The following EIF3F variants were observed in gnomAD, a reference collection of about 807,000 sequenced individuals.
EIF3F encodes the protein eukaryotic translation initiation factor 3 subunit F, also known as deubiquitinating enzyme eIF3f.
A neutral mutation model predicts 36.0 loss-of-function variants in EIF3F; 8 were observed. That is an observed-to-expected ratio of 0.22 (90% CI 0.13 to 0.40). EIF3F has a LOEUF of 0.40. Among genes scored for constraint, EIF3F ranks in the 10% least tolerant of loss-of-function variants. EIF3F has a pLI of 1.00. For synonymous variants in EIF3F, 184 were observed against 188.5 expected (o/e 0.98, Z 0.19); for missense variants, 430 against 467.6 (o/e 0.92, Z 0.74).
In EIF3F at chr11:8,001,278, G is replaced by C. The variant is rs1336338592; in HGVS notation, c.*5256G>C. 6.6e-6 allele frequency: 1 copy of C among 152,214 alleles called. No individual in the cohort carries two copies. The highest frequency in any genetic ancestry group is 1.5e-5 in the Non-Finnish European group (1 of 68,034). 9.4% of individuals were successfully genotyped at this position (152,214 alleles called of 1,614,324 possible). ...AACGTGACACAGGCACAGATTGCTG[G>C]TAGACATATAAGTTGGTACAGCCCT... On this transcript the variant is annotated 3_prime_UTR_variant, in exon 8 of 8. Coordinates refer to ENST00000651655, the MANE Select transcript of EIF3F (RefSeq NM_003754.3).
rs1942195744 is a variant in EIF3F, at chr11:7,999,455, G to A, written c.*3433G>A. On this transcript the variant is annotated 3_prime_UTR_variant, in exon 8 of 8. Transcript: ENST00000651655. ...ATTTTCCCTGTTAAACTACATATTT[G>A]TCATAATTACAATAAAATACAAAGA... is the stretch of plus-strand genomic sequence containing the variant. The A allele has an allele frequency of 6.6e-6, 1 of 152,062 alleles. No individual in the cohort carries two copies. The highest frequency in any genetic ancestry group is 1.5e-5 in the Non-Finnish European group (1 of 68,012). 9.4% of individuals were successfully genotyped at this position (152,062 alleles called of 1,614,324 possible).
rs774264260 is a variant in EIF3F at position 7,995,268 on chromosome 11, A to G, written c.897A>G (p.Ser299=). The G allele has an allele frequency of 6.2e-7, 1 of 1,614,048 alleles. No homozygotes were observed. The highest frequency in any genetic ancestry group is 1.1e-5 in the South Asian group (1 of 91,066). ...TTGGTACTCAGTCTGGAAAGGTGTC[A>G]GCTGACAATACTGTGGGCCGCTTCC... ...YAEDVLSGKV[S]ADNTVGRFLM... Residue 299 remains serine (S), a synonymous_variant, in exon 7 of 8, where the codon TCA becomes TCG. Coordinates refer to ENST00000651655, the MANE Select transcript of EIF3F (RefSeq NM_003754.3).
chr11:7,987,342 T>G lies in EIF3F; in HGVS notation c.-11T>G, dbSNP rs1188582476. 8.8e-6 allele frequency: 14 copies of G among 1,588,944 alleles called. No individual in the cohort carries two copies. Among genetic ancestry groups the G allele is most frequent in the Non-Finnish European group, 6.0e-6 (7 of 1,173,906 alleles). On this transcript the variant is annotated 5_prime_UTR_variant, in exon 1 of 8. Coordinates refer to ENST00000651655, the MANE Select transcript of EIF3F (RefSeq NM_003754.3). ...GTCATTTCCGCTTCCGCCTCCTTCTTTCTCGACAAGATGGCCACACCGGCG... is the reference window on the plus strand; with the variant it reads ...GTCATTTCCGCTTCCGCCTCCTTCTGTCTCGACAAGATGGCCACACCGGCG...
chr11:7,994,422 G>A lies in EIF3F; in HGVS notation c.654-4G>A, dbSNP rs748967109. 105 of 1,613,272 alleles carry A rather than the reference G, an allele frequency of 6.5e-5. No individual in the cohort carries two copies. The highest frequency in any genetic ancestry group is 1.5e-4 in the African/African-American group (11 of 74,858). On this transcript the variant is annotated splice_polypyrimidine_tract_variant and splice_region_variant and intron_variant, in intron 4 of 7. Transcript: ENST00000651655. ...TCTGTTTACTTTGGCTTCTCCTTCC[G>A]CAGCACTTTAATGGGAGTCCCTGGG...
Position 7,995,078 on chromosome 11 carries a change from A to T in EIF3F, c.842A>T (p.Asp281Val). Residue 281 changes from aspartate to valine, a missense_variant, in exon 6 of 8, where the codon GAT (aspartate) becomes GTT (valine). Physicochemically the swap from Asp to Val is radical, Grantham distance 152. Transcript: ENST00000651655. The stretch of plus-strand genomic sequence containing the variant: ...GGAGGGGCATCAGCTCGCATCCAGG[A>T]TGCCCTGAGTACAGTGTTGCAATAT... The part of the protein sequence containing the change: ...QVGGASARIQ[D>V]ALSTVLQYAE... 1 of 1,614,050 alleles carries T rather than the reference A, an allele frequency of 6.2e-7. No homozygotes were observed. Among genetic ancestry groups the T allele is most frequent in the Non-Finnish European group, 8.5e-7 (1 of 1,179,934 alleles).
chr11:7,994,598 G>A, intron 5 of EIF3F, 81 bp downstream of exon 5: 1 of 1,351,192 alleles, frequency 7.4e-7, no homozygotes, highest in Non-Finnish European at 1.0e-6. Flanking sequence ...CATGGACGGA[G>A]GCCTTGGGTG....
rs116233725 is a variant in EIF3F, at chr11:7,989,337, C to T, written c.364+1621C>T. Among the ~76,000 whole-genome samples the T allele has an allele frequency of 2.0e-3, 311 of 152,282 alleles. 1 individual carries two copies. The highest frequency in any genetic ancestry group is 7.3e-3 in the African/African-American group (304 of 41,552). ...TTACCCATGATTTATGCTTTAGCGC[C>T]CCAAATATTCCAGTGATCCAGTCAG... On this transcript the variant is annotated intron_variant, in intron 1 of 7. Coordinates refer to ENST00000651655, the MANE Select transcript of EIF3F (RefSeq NM_003754.3).
rs2133664441 is a variant in EIF3F at position 7,987,403 on chromosome 11, A to C, written c.51A>C (p.Pro17=). 6.2e-7 allele frequency: 1 copy of C among 1,600,624 alleles called. No individual in the cohort carries two copies. The highest frequency in any genetic ancestry group is 1.7e-5 in the Admixed American group (1 of 59,974). The change falls in exon 1 of 8, where the codon CCA becomes CCC. Residue 17 remains proline, a synonymous_variant. Transcript: ENST00000651655. ...PVSAPPATPT[P]VPAAAPASVP... is the part of the protein sequence containing the mutation. ...GTGCTCCTCCGGCCACGCCAACCCC[A>C]GTCCCGGCGGCGGCCCCAGCCTCAG...
Position 7,991,810 on chromosome 11 carries a change from A to G in EIF3F, c.394A>G (p.Thr132Ala), listed in dbSNP as rs749214047. The G allele has an allele frequency of 9.9e-6, 16 of 1,614,202 alleles. No homozygotes were observed. The South Asian group carries it at 1.8e-4, about 18-fold the overall frequency. ...TGTCGACAAACACTCAGTGGAGGTC[A>G]CCAATTGCTTTTCAGTGCCGCACAA... ...GTVDKHSVEV[T>A]NCFSVPHNES... is the part of the protein sequence containing the mutation. Residue 132 changes from threonine to alanine, a missense_variant, in exon 2 of 8, where the codon ACC becomes GCC. Around this residue, in one of 2 missense-constraint regions of EIF3F, gnomAD observed 262 missense variants for 347.4 expected, o/e 0.75. Coordinates refer to ENST00000651655, the MANE Select transcript of EIF3F (RefSeq NM_003754.3).
chr11:7,989,317 C>T (rs1358788971), intron 1 of EIF3F, among the ~76,000 whole-genome samples: 3 of 152,170 alleles, frequency 2.0e-5, no homozygotes, highest in Admixed American at 6.5e-5. Context: ...ATTCATTACC[C>T]ATGATTTATG....
At position 7,996,246 on chromosome 11, in the gene EIF3F, A is replaced by T; in HGVS notation, c.*224A>T. The T allele has an allele frequency of 4.1e-6, 2 of 493,488 alleles. No individual in the cohort carries two copies. Among genetic ancestry groups the T allele is most frequent in the Non-Finnish European group, 7.3e-6 (2 of 275,428 alleles). 30.6% of individuals were successfully genotyped at this position (493,488 alleles called of 1,614,324 possible). A position where few individuals can be genotyped will look rare whatever the true frequency, so the allele number is the denominator to read the frequency against. ...AGATCACACAGAAACTAGGAAGTGA[A>T]TATTGTAGGTAGAGAAGTTGGTTAT... On this transcript the variant is annotated 3_prime_UTR_variant, in exon 8 of 8. Coordinates refer to ENST00000651655, the MANE Select transcript of EIF3F (RefSeq NM_003754.3).
At chr11:7,994,957 C>T in intron 5 of EIF3F, 25 bp from the exon 6 acceptor site, 2 of 1,609,786 alleles carry the variant, frequency 1.2e-6, no homozygotes, top group Admixed American at 1.7e-5. Context: ...ACTGCCGCTG[C>T]CACCCTGCCA....
At chr11:7,994,611 T>C (rs1589906665) in intron 5 of EIF3F, 94 bp downstream of exon 5, 2 of 1,167,798 alleles carry the variant, frequency 1.7e-6, no homozygotes, top group South Asian at 2.9e-5. Context: ...CTTGGGTGGT[T>C]TGAAAAGGGA....
chr11:8,001,412 A>G lies in EIF3F; in HGVS notation c.*5390A>G, dbSNP rs1207240644. ...AATAAACTGGTCTCGTTATGACACA[A>G]TGTAATGAATACATAGATAAGTACT... On this transcript the variant is annotated 3_prime_UTR_variant, in exon 8 of 8. Coordinates refer to ENST00000651655, the MANE Select transcript of EIF3F (RefSeq NM_003754.3). The G allele has an allele frequency of 6.6e-6, 1 of 152,358 alleles. No individual in the cohort carries two copies. The highest frequency in any genetic ancestry group is 1.9e-4 in the East Asian group (1 of 5,192). The allele number at this position is 152,358 out of a possible 1,614,324, so 9.4% of individuals were successfully genotyped here.
In EIF3F at chr11:7,987,565, G is replaced by A. The variant is rs760309318; in HGVS notation, c.213G>A (p.Gln71=). 2.5e-6 allele frequency: 4 copies of A among 1,598,850 alleles called. No individual in the cohort carries two copies. Among genetic ancestry groups the A allele is most frequent in the Non-Finnish European group, 3.4e-6 (4 of 1,174,208 alleles). The change falls in exon 1 of 8, where the codon CAG becomes CAA. Residue 71 remains glutamine (Q), a synonymous_variant. Coordinates refer to ENST00000651655, the MANE Select transcript of EIF3F (RefSeq NM_003754.3). ...QTPASAQAPA[Q]TPAPALPGPA... The stretch of plus-strand genomic sequence containing the variant: ...CGGCCTCAGCGCAAGCTCCAGCGCA[G>A]ACCCCAGCGCCCGCTCTGCCTGGTC...
At position 8,001,525 on chromosome 11, in the gene EIF3F, A is replaced by G. The variant is rs200440425; in HGVS notation, c.*5503A>G. On this transcript the variant is annotated 3_prime_UTR_variant, in exon 8 of 8. Transcript: ENST00000651655. ...AAATTAAACAAAGTATGATATATCCATAAAACACAATACTATGCAGCTGTT... is the reference window on the plus strand; with the variant it reads ...AAATTAAACAAAGTATGATATATCCGTAAAACACAATACTATGCAGCTGTT... 8.5e-5 allele frequency: 13 copies of G among 152,370 alleles called. No individual in the cohort carries two copies. The East Asian group carries it at 2.5e-3, about 29-fold the overall frequency. The allele number at this position is 152,370 out of a possible 1,614,324, so 9.4% of individuals were successfully genotyped here.
intron 1 of EIF3F, among the ~76,000 whole-genome samples, chr11:7,989,731 A>G (rs1269787848): frequency 1.3e-5 from 2 of 152,208 alleles, no homozygotes; most frequent in African/African-American, 4.8e-5. Context: ...CTATTTCAGA[A>G]GGTTGGGGAA....
In EIF3F at chr11:7,998,385, C is replaced by T. The variant is rs1942185967; in HGVS notation, c.*2363C>T. 6.6e-6 allele frequency: 1 copy of T among 152,206 alleles called. No individual in the cohort carries two copies. Among genetic ancestry groups the T allele is most frequent in the South Asian group, 2.1e-4 (1 of 4,834 alleles). The allele number at this position is 152,206 out of a possible 1,614,324, so 9.4% of individuals were successfully genotyped here. On this transcript the variant is annotated 3_prime_UTR_variant, in exon 8 of 8. Coordinates refer to ENST00000651655, the MANE Select transcript of EIF3F (RefSeq NM_003754.3). ...GTTTCTCCAGGCGGCACATCACAGT[C>T]TTCTTGCACTTAGGAACACTTGGCA... is the stretch of plus-strand genomic sequence containing the variant.
rs745523675 is a variant in EIF3F, at chr11:7,994,501, C to T, written c.729C>T (p.Asp243=). 5 of 1,613,776 alleles carry T rather than the reference C, an allele frequency of 3.1e-6. No individual in the cohort carries two copies. Among genetic ancestry groups the T allele is most frequent in the East Asian group, 2.2e-5 (1 of 44,856 alleles). Reference sequence around the variant, plus strand: ...TGACAGTGAAATACGCGTACTACGACACTGAACGCATCGGAGGTGAGTAAC... The same window carrying T: ...TGACAGTGAAATACGCGTACTACGATACTGAACGCATCGGAGGTGAGTAAC... ...TPLTVKYAYY[D]TERIGVDLIM... The change falls in exon 5 of 8, where the codon GAC becomes GAT. Residue 243 remains aspartate (D), a synonymous_variant. Transcript: ENST00000651655.
Sources: allele counts gnomAD v4.1 joint callset (sites outside exome capture counted in the v4.1 genomes callset), GRCh38; gene constraint gnomAD v4.1.1; regional missense constraint gnomAD v4.1.1; transcripts MANE v1.5; gene names NCBI Gene and HGNC (gene_info 2026-07-23, HGNC 2026-07-21).